The following SLC25A43 variants were observed in gnomAD, a reference collection of about 807,000 sequenced individuals.
SLC25A43 encodes solute carrier family 25, member 43.
SLC25A43 carries 10 observed loss-of-function variants against 22.8 expected under a neutral mutation model. The ratio of observed to expected loss-of-function variants is 0.44; its 90% CI spans 0.27 to 0.74. The LOEUF is 0.74. Ranked by LOEUF, SLC25A43 falls within the 30% of genes least tolerant of loss-of-function variation. The pLI is 0.17. For synonymous variants in SLC25A43, 106 were observed against 121.6 expected (o/e 0.87, Z 0.84); for missense variants, 233 against 279.1 (o/e 0.83, Z 1.18).
At chrX:119,416,874 C>T (rs1212951705) in intron 3 of SLC25A43, among the ~76,000 whole-genome samples, 2 of 111,901 alleles carry the variant, frequency 1.8e-5, no homozygotes. Context: ...TCTAAACAAA[C>T]AAAAAAATAG....
At chrX:119,402,182 G>T (rs944332158) in intron 1 of SLC25A43, among the ~76,000 whole-genome samples, 1 of 111,678 alleles carries the variant, frequency 9.0e-6, no homozygotes, top group Non-Finnish European at 1.9e-5. Context: ...TGTGATCATG[G>T]GTTTGAACAA....
chrX:119,411,887 T>A (rs938412915), intron 3 of SLC25A43, among the ~76,000 whole-genome samples: 16 of 111,959 alleles, frequency 1.4e-4, no homozygotes, highest in South Asian at 3.7e-4. Flanking sequence ...TAAAAATTTT[T>A]AAAAAAATTC....
At chrX:119,442,721 A>G (rs757870663) in intron 3 of SLC25A43, among the ~76,000 whole-genome samples, 1 of 112,620 alleles carries the variant, frequency 8.9e-6, no homozygotes, top group African/African-American at 3.2e-5. Context: ...AGAACCATCT[A>G]CAATGTCTTG....
intron 3 of SLC25A43, chrX:119,434,477 TCA>T (rs2052581267): frequency 1.9e-5 from 2 of 102,948 alleles, no homozygotes; most frequent in East Asian, 6.3e-4. Flanking sequence ...TTATCTTGGG[TCA>T]CAAAAGAGTG....
intron 3 of SLC25A43, among the ~76,000 whole-genome samples, chrX:119,413,263 A>G (rs983219661): frequency 3.6e-5 from 4 of 111,876 alleles, no homozygotes; most frequent in African/African-American, 1.3e-4. Flanking sequence ...AGGAAAATAA[A>G]TTACCCATAG....
intron 3 of SLC25A43, 72 bp from the exon 4 acceptor site, chrX:119,451,937 C>T: frequency 8.3e-7 from 1 of 1,201,510 alleles, no homozygotes; most frequent in East Asian, 3.0e-5. Flanking sequence ...ACTTGAGACC[C>T]TGGCTCCTTC....
At chrX:119,421,908 T>G (rs948302551) in intron 3 of SLC25A43, among the ~76,000 whole-genome samples, 1 of 111,418 alleles carries the variant, frequency 9.0e-6, no homozygotes, top group African/African-American at 3.3e-5. Context: ...TGTGGGTGAA[T>G]ACCACCCACC....
At chrX:119,427,174 C>T (rs1236221324) in intron 3 of SLC25A43, among the ~76,000 whole-genome samples, 1 of 111,517 alleles carries the variant, frequency 9.0e-6, no homozygotes, top group Non-Finnish European at 1.9e-5. Flanking sequence ...ACCCAGGCCT[C>T]AGCAGCTCTG....
At chrX:119,419,280 T>C (rs1419319067) in intron 3 of SLC25A43, among the ~76,000 whole-genome samples, 2 of 111,745 alleles carry the variant, frequency 1.8e-5, no homozygotes, top group East Asian at 5.6e-4. Flanking sequence ...TCATCAAATA[T>C]AAAACCAAGT....
chrX:119,441,822 G>T (rs2052625384), intron 3 of SLC25A43, among the ~76,000 whole-genome samples: 1 of 111,674 alleles, frequency 9.0e-6, no homozygotes, highest in African/African-American at 3.3e-5. Context: ...AGGCGCAGTG[G>T]CTCACGCCTG....
chrX:119,414,993 C>T (rs1424784928), intron 3 of SLC25A43, among the ~76,000 whole-genome samples: 2 of 100,778 alleles, frequency 2.0e-5, no homozygotes, highest in Non-Finnish European at 4.0e-5. Context: ...CATCTCGGCT[C>T]ACTGCAACCT....
intron 2 of SLC25A43, among the ~76,000 whole-genome samples, chrX:119,406,999 C>T (rs955409239): frequency 6.2e-5 from 7 of 113,180 alleles, no homozygotes; most frequent in Non-Finnish European, 1.1e-4. Context: ...ATTCAGTGTA[C>T]ATACACATTG....
chrX:119,406,473 T>G lies in SLC25A43; in HGVS notation c.289T>G (p.Phe97Val). Residue 97 changes from phenylalanine to valine, a missense_variant, in exon 2 of 5, where the codon TTC becomes GTC. Transcript: ENST00000217909. ...ATTTTCTCCCAGATTTGTTGTGCTG[T>G]TCACAGATGACCTGGGCCACATTTC... ...LAAYRKFVVL[F>V]TDDLGHISQW... The G allele has an allele frequency of 1.7e-6, 2 of 1,211,717 alleles. No homozygotes were observed. Among genetic ancestry groups the G allele is most frequent in the East Asian group, 5.9e-5 (2 of 33,846 alleles).
chrX:119,446,226 C>A (rs1309118530), intron 3 of SLC25A43, among the ~76,000 whole-genome samples: 1 of 107,009 alleles, frequency 9.3e-6, no homozygotes, highest in Non-Finnish European at 1.9e-5. Context: ...AGTTTTCACA[C>A]TGCTTCACTG....
chrX:119,430,642 T>G (rs1384071320), intron 3 of SLC25A43, among the ~76,000 whole-genome samples: 1 of 112,256 alleles, frequency 8.9e-6, no homozygotes, highest in African/African-American at 3.2e-5. Flanking sequence ...CTGGGGAGCT[T>G]GTAAAAAGTG....
Position 119,453,684 on chromosome X carries a change from C to T in SLC25A43, c.*619C>T. ...AGAGAGTTGGGACCATAGGTGCACA[C>T]CACCACACCTAGCTAATTTTTTGGG... On this transcript the variant is annotated 3_prime_UTR_variant, in exon 5 of 5. Coordinates refer to ENST00000217909, the MANE Select transcript of SLC25A43 (RefSeq NM_145305.3). 1 of 115,034 alleles carries T rather than the reference C, an allele frequency of 8.7e-6. No homozygotes were observed. The highest frequency in any genetic ancestry group is 1.8e-5 in the Non-Finnish European group (1 of 54,563). The allele number at this position is 115,034 out of a possible 1,213,427, so 9.5% of individuals were successfully genotyped here. A position where few individuals can be genotyped will look rare whatever the true frequency, so the allele number is the denominator to read the frequency against.
chrX:119,420,429 C>G lies in SLC25A43; in HGVS notation c.690+10067C>G, dbSNP rs1247778407. 2.7e-5 allele frequency among the ~76,000 whole-genome samples: 3 copies of G among 110,553 alleles called. No individual in the cohort carries two copies. The Admixed American group carries it at 2.9e-4, about 11-fold the overall frequency. ...CCTTCCACCTCAGCCTCCCAAGTAG[C>G]TGGGACCACAGGCATGCGCCACCTA... is the stretch of plus-strand genomic sequence containing the variant. On this transcript the variant is annotated intron_variant, in intron 3 of 4. Transcript: ENST00000217909.
At chrX:119,402,074 T>C (rs2052243234) in intron 1 of SLC25A43, among the ~76,000 whole-genome samples, 1 of 112,320 alleles carries the variant, frequency 8.9e-6, no homozygotes, top group East Asian at 2.8e-4. Context: ...CGCGATGCCA[T>C]CCTTCCTACA....
intron 2 of SLC25A43, 81 bp from the exon 3 acceptor site, chrX:119,410,109 C>T (rs1361140008): frequency 2.2e-5 from 24 of 1,077,504 alleles, no homozygotes; most frequent in Admixed American, 1.7e-4. Context: ...TTTCTTTCCC[C>T]GGAATCCCCC....
Sources: allele counts gnomAD v4.1 joint callset (sites outside exome capture counted in the v4.1 genomes callset), GRCh38; gene constraint gnomAD v4.1.1; transcripts MANE v1.5; gene names NCBI Gene and HGNC (gene_info 2026-07-23, HGNC 2026-07-21).